The following SPATA3 variants were observed in gnomAD, a reference collection of about 807,000 sequenced individuals.
SPATA3 encodes spermatogenesis-associated protein 3.
Under a neutral mutation model 5.7 loss-of-function variants are expected in SPATA3, and 6 were observed. The observed-to-expected ratio is 1.06, with a 90% CI of 0.58 to 2.09. The LOEUF is 2.09. SPATA3 is among the 30% of genes most tolerant of loss of function. The pLI is 0.00. For synonymous variants in SPATA3, 44 were observed against 48.4 expected (o/e 0.91, Z 0.37); for missense variants, 155 against 130.4 (o/e 1.19, Z -0.92).
At chr2:230,998,030 T>G (rs537283374) in intron 1 of SPATA3, among the ~76,000 whole-genome samples, 2 of 152,320 alleles carry the variant, frequency 1.3e-5, no homozygotes, top group African/African-American at 4.8e-5. Context: ...GAACCCTCAC[T>G]TTAAACCACA....
intron 5 of SPATA3, among the ~76,000 whole-genome samples, chr2:231,012,966 G>A (rs1021193456): frequency 5.3e-5 from 8 of 152,060 alleles, no homozygotes; most frequent in African/African-American, 1.2e-4. Context: ...TGCCTCCTGC[G>A]CACTTGGACT....
chr2:231,018,216 C>T (rs1574679345), intron 6 of SPATA3, among the ~76,000 whole-genome samples: 2 of 152,170 alleles, frequency 1.3e-5, no homozygotes, highest in Non-Finnish European at 2.9e-5. Flanking sequence ...TGAGCCACCG[C>T]ACCCATCATG....
chr2:231,019,239 G>T (rs187155356), intron 6 of SPATA3, among the ~76,000 whole-genome samples: 1 of 150,206 alleles, frequency 6.7e-6, no homozygotes, highest in African/African-American at 2.5e-5. Context: ...AAAGTGCCGG[G>T]ATTACAGGAG....
At chr2:230,998,715 G>A (rs1273292499) in intron 1 of SPATA3, among the ~76,000 whole-genome samples, 1 of 152,192 alleles carries the variant, frequency 6.6e-6, no homozygotes. Context: ...TAATCAGAAG[G>A]ATGGACAATA....
intron 1 of SPATA3, chr2:230,996,231 AC>A: frequency 6.5e-7 from 1 of 1,549,638 alleles, no homozygotes; most frequent in Non-Finnish European, 8.7e-7. Flanking sequence ...GGGAGGATCT[AC>A]CATGAAGAAG....
chr2:231,008,041 A>C (rs778201403), downstream of SPATA3, among the ~76,000 whole-genome samples: 18 of 152,320 alleles, frequency 1.2e-4, no homozygotes, highest in Non-Finnish European at 2.2e-4. Context: ...GGAACCACCA[A>C]AGAAGGGAGG....
chr2:231,003,836 G>C (rs150912876), downstream of SPATA3, among the ~76,000 whole-genome samples: 1 of 152,288 alleles, frequency 6.6e-6, no homozygotes, highest in East Asian at 1.9e-4. Flanking sequence ...CTCTCTCCCA[G>C]TGGAGTGAAA....
chr2:231,002,646 C>G (rs1341386980), intron 2 of SPATA3, 38 bp from the exon 3 acceptor site: 7 of 1,354,878 alleles, frequency 5.2e-6, no homozygotes, highest in Non-Finnish European at 6.9e-6. Context: ...CACTGAAGCC[C>G]AGCTTCCCAC....
chr2:231,018,156 C>T (rs1241998981), intron 6 of SPATA3, among the ~76,000 whole-genome samples: 1 of 152,062 alleles, frequency 6.6e-6, no homozygotes, highest in Non-Finnish European at 1.5e-5. Context: ...AACTCCTGAC[C>T]TCAGGTGATC....
intron 6 of SPATA3, among the ~76,000 whole-genome samples, chr2:231,019,145 A>G (rs1174726584): frequency 1.4e-5 from 2 of 144,560 alleles, no homozygotes; most frequent in Admixed American, 7.0e-5. Context: ...TTTTTTTTGT[A>G]TTTTTAGTAG....
rs546748267 is a variant in SPATA3, at chr2:230,999,415, TA to T, written c.791-942del. ...CTCAATTTAAAAACTTTTTTGTAAT[TA>T]AAAAAAAAGACAAGTCTTGCCTTTA... On this transcript the variant is annotated intron_variant, in intron 1 of 2. Coordinates refer to ENST00000645363, the Ensembl canonical transcript of SPATA3. 1.3e-3 allele frequency among the ~76,000 whole-genome samples: 200 copies of T among 151,476 alleles called. 1 individual carries two copies. Among genetic ancestry groups the T allele is most frequent in the African/African-American group, 4.6e-3 (191 of 41,304 alleles).
At position 231,000,482 on chromosome 2, in the gene SPATA3, C is replaced by T. The variant is rs1196954034; in HGVS notation, c.907C>T (p.Arg303Trp). ...CCGCATCTTCGATGTCCTTCTGCCT[C>T]GGGACTGGCAGATGGCGCCAGGGAG... is the stretch of plus-strand genomic sequence containing the variant. Residue 303 changes from arginine (R) to tryptophan (W), a missense_variant, in exon 2 of 3, where the codon CGG (arginine) becomes TGG (tryptophan). Physicochemically the swap from Arg to Trp is moderately radical, Grantham distance 101. Transcript: ENST00000645363. The T allele has an allele frequency of 1.3e-5, 20 of 1,549,774 alleles. No individual in the cohort carries two copies. Among genetic ancestry groups the T allele is most frequent in the Non-Finnish European group, 1.4e-5 (16 of 1,145,558 alleles).
At chr2:231,003,057 G>A (rs2271370), downstream of SPATA3, among the ~76,000 whole-genome samples, 54,967 of 151,922 alleles carry the variant, frequency 0.36, 10,121 homozygotes, top group South Asian at 0.46. Flanking sequence ...CCTGGTCATG[G>A]ACCCTGGACA....
chr2:231,001,365 C>G (rs2125099383), intron 2 of SPATA3, among the ~76,000 whole-genome samples: 1 of 152,302 alleles, frequency 6.6e-6, no homozygotes, highest in East Asian at 1.9e-4. Flanking sequence ...CACTTGGCGA[C>G]CTCACACCCC....
chr2:231,005,570 A>G (rs1692590002), downstream of SPATA3, among the ~76,000 whole-genome samples: 1 of 124,580 alleles, frequency 8.0e-6, no homozygotes, highest in African/African-American at 2.9e-5. Context: ...CATCACCATC[A>G]TCATCACCAT....
At chr2:231,000,673 T>C in intron 2 of SPATA3, 136 bp downstream of exon 2, 3 of 1,037,282 alleles carry the variant, frequency 2.9e-6, no homozygotes, top group South Asian at 4.9e-5. Context: ...TTTCCCTCTT[T>C]GCTTTGCCCA....
chr2:231,005,407 C>A (rs1692564185), downstream of SPATA3, among the ~76,000 whole-genome samples: 1 of 77,180 alleles, frequency 1.3e-5, no homozygotes, highest in Non-Finnish European at 2.8e-5. Context: ...CCACCACCAC[C>A]AGTATCAGCA....
chr2:231,005,331 T>C (rs1414189920), downstream of SPATA3, among the ~76,000 whole-genome samples: 25 of 36,140 alleles, frequency 6.9e-4, no homozygotes, highest in Non-Finnish European at 8.4e-4. Context: ...ATCACCATCA[T>C]CACCATCACC....
intron 6 of SPATA3, among the ~76,000 whole-genome samples, chr2:231,018,453 G>A (rs1157505522): frequency 7.4e-6 from 1 of 135,302 alleles, no homozygotes; most frequent in African/African-American, 2.8e-5. Flanking sequence ...CTTTCCATAT[G>A]GTATAGAAAC....
Sources: gnomAD v4.1 joint callset for allele counts (sites outside exome capture counted in the v4.1 genomes callset) on GRCh38, gnomAD v4.1.1 for gene constraint, MANE v1.5 for transcripts, NCBI Gene and HGNC (gene_info 2026-07-23, HGNC 2026-07-21) for gene names.